Variants in ESR1 observed in about 807,000 individuals in gnomAD.
ESR1 encodes estrogen receptor.
In ESR1, 12 loss-of-function variants were observed where a neutral mutation model predicts 52.7. That is an observed-to-expected ratio of 0.23 (90% CI 0.15 to 0.37). ESR1 has a LOEUF of 0.37. Among genes scored for constraint, ESR1 ranks in the 10% least tolerant of loss-of-function variants. The pLI is 1.00. For synonymous variants in ESR1, 305 were observed against 316.8 expected (o/e 0.96, Z 0.39); for missense variants, 584 against 779.7 (o/e 0.75, Z 2.99).
chr6:151,768,983 A>G (rs1785285985), intron 2 of ESR1, among the ~76,000 whole-genome samples: 1 of 152,218 alleles, frequency 6.6e-6, no homozygotes, highest in Admixed American at 6.5e-5. Context: ...AGAAAAATAT[A>G]GCTCTTCATA....
chr6:152,062,418 T>C (rs1297901592), intron 6 of ESR1, among the ~76,000 whole-genome samples: 1 of 152,216 alleles, frequency 6.6e-6, no homozygotes, highest in Non-Finnish European at 1.5e-5. Flanking sequence ...ACTTATCAAC[T>C]AATAAATGGA....
chr6:151,864,346 A>G (rs1387364510), intron 2 of ESR1, among the ~76,000 whole-genome samples: 3 of 152,234 alleles, frequency 2.0e-5, no homozygotes, highest in Admixed American at 1.3e-4. Flanking sequence ...AATGCTCATC[A>G]TCATTGGCCA....
At position 152,122,941 on chromosome 6, in the gene ESR1, A is replaced by G. The variant is rs966363318; in HGVS notation, c.851-2325A>G. On this transcript the variant is annotated intron_variant, in intron 6 of 6. Transcript: ENST00000427531. ...CAAATTCTACTCCTTTTACCCCTTA[A>G]TGTGGTGAAACATTTTCTATCAACG... Among the ~76,000 whole-genome samples, 3 of 152,218 alleles carry G rather than the reference A, an allele frequency of 2.0e-5. No individual in the cohort carries two copies. The East Asian group carries it at 5.8e-4, about 29-fold the overall frequency.
chr6:151,845,246 GA>G (rs1329003581), intron 2 of ESR1, among the ~76,000 whole-genome samples: 2 of 152,118 alleles, frequency 1.3e-5, no homozygotes, highest in Non-Finnish European at 2.9e-5. Context: ...CAAACATTTT[GA>G]AAAATGTCTG....
At chr6:151,818,586 A>G (rs1780039583) in intron 1 of ESR1, among the ~76,000 whole-genome samples, 1 of 152,208 alleles carries the variant, frequency 6.6e-6, no homozygotes, top group Non-Finnish European at 1.5e-5. Context: ...TGTAGTTGAC[A>G]GCAGTGCAGT....
intron 2 of ESR1, among the ~76,000 whole-genome samples, chr6:151,852,992 T>C (rs141135792): frequency 0.068 from 10,330 of 151,186 alleles, 739 homozygotes; most frequent in East Asian, 0.24. Context: ...GCCAACATGA[T>C]GAAACCCCGT....
intron 2 of ESR1, among the ~76,000 whole-genome samples, chr6:151,855,969 C>T (rs963337341): frequency 2.0e-5 from 3 of 152,032 alleles, no homozygotes; most frequent in Admixed American, 6.6e-5. Flanking sequence ...ATGGCAAAAT[C>T]GCAATTACTT....
chr6:151,690,450 G>C (rs922115760), upstream of ESR1: 3 of 152,140 alleles, frequency 2.0e-5, no homozygotes, highest in Non-Finnish European at 4.4e-5. Context: ...CTAGTCAAAT[G>C]GTGGTGCTAG....
chr6:152,006,786 G>A (rs558045579), intron 4 of ESR1, among the ~76,000 whole-genome samples: 17 of 152,150 alleles, frequency 1.1e-4, no homozygotes, highest in African/African-American at 4.1e-4. Flanking sequence ...GAACATTGGG[G>A]TCATCATATG....
chr6:151,777,733 T>G (rs1429585832), intron 2 of ESR1, among the ~76,000 whole-genome samples: 1 of 151,920 alleles, frequency 6.6e-6, no homozygotes, highest in Non-Finnish European at 1.5e-5. Flanking sequence ...ACTGAGGCAG[T>G]TGGATCACCT....
At chr6:151,765,045 T>A (rs1272996262) in intron 2 of ESR1, among the ~76,000 whole-genome samples, 1 of 152,204 alleles carries the variant, frequency 6.6e-6, no homozygotes, top group African/African-American at 2.4e-5. Flanking sequence ...AAGAAGCCAA[T>A]AAAAGTAATT....
At chr6:151,731,213 G>A (rs1291825907) in intron 2 of ESR1, among the ~76,000 whole-genome samples, 1 of 152,090 alleles carries the variant, frequency 6.6e-6, no homozygotes, top group Non-Finnish European at 1.5e-5. Flanking sequence ...AAAATTAGCT[G>A]GGCGTGGTGG....
At chr6:151,672,315 T>G (rs1778091911) in intron 1 of ESR1, among the ~76,000 whole-genome samples, 1 of 150,270 alleles carries the variant, frequency 6.7e-6, no homozygotes. Context: ...CACACCACCA[T>G]GCCAGGCTAA....
chr6:152,023,947 G>A (rs2043908259), intron 5 of ESR1, among the ~76,000 whole-genome samples: 1 of 151,966 alleles, frequency 6.6e-6, no homozygotes, highest in Non-Finnish European at 1.5e-5. Context: ...CATATGTTGG[G>A]GTCATAGAAA....
intron 6 of ESR1, among the ~76,000 whole-genome samples, chr6:152,065,050 C>T (rs1216628254): frequency 1.3e-5 from 2 of 152,176 alleles, no homozygotes; most frequent in Non-Finnish European, 2.9e-5. Context: ...ATGAGAATCT[C>T]TGGCTTAAAC....
chr6:151,937,267 C>G (rs960852214), intron 3 of ESR1, among the ~76,000 whole-genome samples: 1 of 152,160 alleles, frequency 6.6e-6, no homozygotes, highest in Non-Finnish European at 1.5e-5. Flanking sequence ...CGTAGCTGCT[C>G]TAGACAAAAT....
At chr6:151,907,883 A>G (rs949972267) in intron 3 of ESR1, among the ~76,000 whole-genome samples, 2 of 152,214 alleles carry the variant, frequency 1.3e-5, no homozygotes, top group African/African-American at 2.4e-5. Context: ...ACTGTGATAT[A>G]TAGAAATGTG....
At chr6:151,823,806 C>A (rs1402023992) in intron 1 of ESR1, among the ~76,000 whole-genome samples, 3 of 152,106 alleles carry the variant, frequency 2.0e-5, no homozygotes. Context: ...TGAACTCATC[C>A]TTTTTTATGG....
chr6:151,966,932 T>G (rs1014281835), intron 4 of ESR1, among the ~76,000 whole-genome samples: 5 of 152,170 alleles, frequency 3.3e-5, no homozygotes, highest in Admixed American at 2.0e-4. Flanking sequence ...CCAGCTTAAT[T>G]TTTGCTGTCA....
Sources: gnomAD v4.1 joint callset for allele counts (sites outside exome capture counted in the v4.1 genomes callset) on GRCh38, gnomAD v4.1.1 for gene constraint, MANE v1.5 for transcripts, NCBI Gene and HGNC (gene_info 2026-07-23, HGNC 2026-07-21) for gene names.